PIH1D2: variants seen among roughly 807,000 people sequenced by gnomAD.
PIH1D2 encodes the protein PIH1 domain containing 2.
In PIH1D2, 25 loss-of-function variants were observed where a neutral mutation model predicts 31.2. The ratio of observed to expected loss-of-function variants is 0.80; its 90% CI spans 0.58 to 1.12. PIH1D2 has a LOEUF of 1.12. PIH1D2 is among the 50% of genes most tolerant of loss of function. The probability of loss-of-function intolerance (pLI) is 0.00; values close to 1 mark genes in which losing one functional copy is unlikely to be tolerated. For missense variants in PIH1D2, 310 were observed against 356.6 expected (o/e 0.87, Z 1.05); for synonymous variants, 116 against 119.9 (o/e 0.97, Z 0.21).
downstream of PIH1D2, chr11:112,060,047 A>G (rs1056173690): frequency 6.2e-7 from 1 of 1,613,894 alleles, no homozygotes; most frequent in Non-Finnish European, 8.5e-7. Flanking sequence ...AGGGTAAACT[A>G]CAGCCACATG....
downstream of PIH1D2, chr11:112,061,581 G>C (rs1330304264): frequency 1.0e-5 from 2 of 194,132 alleles, no homozygotes; most frequent in African/African-American, 4.8e-5. Flanking sequence ...TGTTTTTTTT[G>C]TTTGTTTGTT....
chr11:112,071,015 T>C (rs924664435), intron 4 of PIH1D2, 23 bp downstream of exon 4: 1 of 1,600,818 alleles, frequency 6.2e-7, no homozygotes, highest in Admixed American at 1.7e-5. Flanking sequence ...AGTTTAATTT[T>C]CCATTTACAA....
At chr11:112,059,885 A>AT (rs1555182997), downstream of PIH1D2, 9 of 1,556,440 alleles carry the variant, frequency 5.8e-6, no homozygotes, top group South Asian at 1.2e-5. Context: ...TATTATATTT[A>AT]TTTTTCTTTT....
At chr11:112,057,819 C>T in the PIH1D2 span, among the ~76,000 whole-genome samples, 1 of 151,128 alleles carries the variant, frequency 6.6e-6, no homozygotes, top group African/African-American at 2.5e-5. Context: ...AACATCAAGG[C>T]AAGATCTACC....
At chr11:112,072,908 A>T in intron 2 of PIH1D2, 90 bp downstream of exon 2, 4 of 1,284,616 alleles carry the variant, frequency 3.1e-6, no homozygotes, top group South Asian at 1.9e-5. Flanking sequence ...AACAAAAAAA[A>T]TTAGCAATAC....
At chr11:112,054,828 C>T in the PIH1D2 span, among the ~76,000 whole-genome samples, 1 of 152,168 alleles carries the variant, frequency 6.6e-6, no homozygotes, top group Non-Finnish European at 1.5e-5. Flanking sequence ...TCCTTCCTTG[C>T]CTTTTCCAGT....
At chr11:112,072,894 A>C (rs60060685) in intron 2 of PIH1D2, 104 bp downstream of exon 2, 21,400 of 1,214,894 alleles carry the variant, frequency 0.018, 630 homozygotes, top group African/African-American at 0.13. Context: ...CAAAACAAAA[A>C]AAAAACAAAA....
intron 5 of PIH1D2, among the ~76,000 whole-genome samples, chr11:112,069,123 T>C (rs1463611723): frequency 1.3e-5 from 2 of 151,200 alleles, no homozygotes; most frequent in African/African-American, 2.4e-5. Flanking sequence ...CTCAGCCTCC[T>C]GAATAGCTGG....
downstream of PIH1D2, chr11:112,067,685 A>AAAAATATATATATAT: frequency 5.6e-5 from 1 of 17,804 alleles, no homozygotes; most frequent in African/African-American, 1.7e-4. Context: ...AAAAAAAAAA[A>AAAAATATATATATAT]ATATATATAT....
In PIH1D2 at chr11:112,071,340, T is replaced by G. The variant is rs587616065; in HGVS notation, c.302-57A>C. ...AGAAAAATTGTTGCACTAATGATAC[T>G]GTCAGGCAATATATTAAACCATATT... On this transcript the variant is annotated intron_variant, in intron 3 of 5. Transcript: ENST00000280350. 5.3e-6 allele frequency: 8 copies of G among 1,520,348 alleles called. No individual in the cohort carries two copies. The South Asian group carries it at 8.9e-5, about 17-fold the overall frequency. The allele number at this position is 1,520,348 out of a possible 1,614,324, so 94.2% of individuals were successfully genotyped here. A position where few individuals can be genotyped will look rare whatever the true frequency, so the allele number is the denominator to read the frequency against.
chr11:112,063,166 T>TC (rs1440248727), downstream of PIH1D2: 1 of 152,430 alleles, frequency 6.6e-6, no homozygotes, highest in Non-Finnish European at 1.5e-5. Flanking sequence ...ACATGGTTAT[T>TC]CCCCCCTACT....
chr11:112,054,343 T>A, the PIH1D2 span, among the ~76,000 whole-genome samples: 1 of 151,898 alleles, frequency 6.6e-6, no homozygotes, highest in Non-Finnish European at 1.5e-5. Context: ...AATAAATAAA[T>A]ATAAATCTAT....
chr11:112,070,853 AAT>A, intron 4 of PIH1D2, 152 bp from the exon 5 acceptor site: 1 of 1,221,686 alleles, frequency 8.2e-7, no homozygotes, highest in South Asian at 1.7e-5. Context: ...TAAACCAAAG[AAT>A]TTGATTGAAA....
downstream of PIH1D2, chr11:112,062,476 G>A (rs782185587): frequency 3.1e-6 from 5 of 1,612,728 alleles, no homozygotes; most frequent in Non-Finnish European, 4.2e-6. Flanking sequence ...AGCAGTTGGA[G>A]CCCAGTGGCT....
At position 112,070,090 on chromosome 11, in the gene PIH1D2, G is replaced by T. The variant is rs1253661457; in HGVS notation, c.813+346C>A. On this transcript the variant is annotated intron_variant, in intron 5 of 5. Coordinates refer to ENST00000280350, the MANE Select transcript of PIH1D2 (RefSeq NM_138789.4). ...TTGCTCTTCTGTAAGAGGATAGTAC[G>T]TTTACCCTGCCATATGACTTCCTGT... 4 of 436,660 alleles carry T rather than the reference G, an allele frequency of 9.2e-6. No individual in the cohort carries two copies. In the East Asian group the frequency reaches 1.5e-4, roughly 17 times the overall value. 27.0% of individuals were successfully genotyped at this position (436,660 alleles called of 1,614,324 possible). A position where few individuals can be genotyped will look rare whatever the true frequency, so the allele number is the denominator to read the frequency against.
the PIH1D2 span, among the ~76,000 whole-genome samples, chr11:112,057,582 TC>T: frequency 7.2e-5 from 11 of 152,220 alleles, no homozygotes; most frequent in Non-Finnish European, 1.2e-4. Flanking sequence ...GGTACAGCAT[TC>T]CCTTAAGCCA....
intron 5 of PIH1D2, among the ~76,000 whole-genome samples, chr11:112,068,617 C>T (rs927537623): frequency 1.3e-5 from 2 of 152,010 alleles, no homozygotes; most frequent in Non-Finnish European, 2.9e-5. Context: ...AACCCCGTCT[C>T]TACTAAAAAT....
chr11:112,073,651 T>C (rs782784648), intron 1 of PIH1D2, among the ~76,000 whole-genome samples: 2 of 152,182 alleles, frequency 1.3e-5, no homozygotes, highest in Non-Finnish European at 2.9e-5. Context: ...TATCTCTCAC[T>C]AGCTCTGTGA....
chr11:112,062,415 G>A (rs1555183356), downstream of PIH1D2: 1 of 1,612,474 alleles, frequency 6.2e-7, no homozygotes, highest in East Asian at 2.2e-5. Context: ...GGTTTGATGT[G>A]GCTAGCATGA....
Sources: allele counts gnomAD v4.1 joint callset (sites outside exome capture counted in the v4.1 genomes callset), GRCh38; gene constraint gnomAD v4.1.1; transcripts MANE v1.5; gene names NCBI Gene and HGNC (gene_info 2026-07-23, HGNC 2026-07-21).